NUDT13: variants seen among roughly 807,000 people sequenced by gnomAD.
NUDT13 encodes nudix hydrolase 13, also known as NAD(P)H pyrophosphatase NUDT13, mitochondrial.
A neutral mutation model predicts 41.7 loss-of-function variants in NUDT13; 40 were observed. The observed-to-expected ratio is 0.96, with a 90% CI of 0.75 to 1.25. The LOEUF is 1.25. NUDT13 is among the 50% of genes most tolerant of loss of function. The pLI is 0.00. For missense variants in NUDT13, 390 were observed against 416.1 expected (o/e 0.94, Z 0.55); for synonymous variants, 145 against 155.5 (o/e 0.93, Z 0.50).
Position 73,130,885 on chromosome 10 carries a change from T to C in NUDT13, c.1041T>C (p.Cys347=). ...AGGAGTGGGTGGAAAAACAGACCTG[T>C]TCTTCCCTGCCTGCTTAGCCCGGAT... is the stretch of plus-strand genomic sequence containing the variant. ...LIKEWVEKQT[C]SSLPA is the part of the protein sequence containing the mutation. The change falls in exon 9 of 9, where the codon TGT becomes TGC. Residue 347 remains cysteine, a synonymous_variant. Transcript: ENST00000357321. 1 of 1,613,630 alleles carries C rather than the reference T, an allele frequency of 6.2e-7. No homozygotes were observed. The highest frequency in any genetic ancestry group is 8.5e-7 in the Non-Finnish European group (1 of 1,179,780).
chr10:73,129,915 G>GT (rs1842876155), intron 8 of NUDT13, among the ~76,000 whole-genome samples: 1 of 151,128 alleles, frequency 6.6e-6, no homozygotes, highest in Non-Finnish European at 1.5e-5. Flanking sequence ...GGGAGGGGAG[G>GT]TTGCAGTGAG....
chr10:73,126,295 G>A (rs538133135), intron 7 of NUDT13: 2 of 175,748 alleles, frequency 1.1e-5, no homozygotes, highest in South Asian at 1.5e-4. Context: ...TGCATAGATT[G>A]AAGATATTAG....
chr10:73,127,350 G>C (rs1842813614), intron 8 of NUDT13, among the ~76,000 whole-genome samples: 2 of 151,910 alleles, frequency 1.3e-5, no homozygotes, highest in Non-Finnish European at 2.9e-5. Flanking sequence ...CTGCACTCCA[G>C]CCTGGGCAAC....
chr10:73,124,156 G>A (rs1385448157), intron 4 of NUDT13, 58 bp from the exon 5 acceptor site: 38 of 1,160,724 alleles, frequency 3.3e-5, no homozygotes, highest in Admixed American at 5.1e-5. Context: ...AGACTGGAGA[G>A]AGGCCCTGAG....
At chr10:73,114,336 C>CT in intron 1 of NUDT13, 21 bp from the exon 2 acceptor site, 1 of 1,181,830 alleles carries the variant, frequency 8.5e-7, no homozygotes, top group Non-Finnish European at 1.2e-6. Context: ...TTTTTTAAAA[C>CT]TCCTTTTTTT....
At chr10:73,124,093 A>G (rs542538800) in intron 4 of NUDT13, 121 bp from the exon 5 acceptor site, 6 of 668,216 alleles carry the variant, frequency 9.0e-6, no homozygotes, top group Admixed American at 7.0e-5. Context: ...CACGCCCCCC[A>G]CACCTAGCTG....
At chr10:73,112,712 A>T (rs1008346407) in intron 1 of NUDT13, among the ~76,000 whole-genome samples, 1 of 152,080 alleles carries the variant, frequency 6.6e-6, no homozygotes, top group African/African-American at 2.4e-5. Context: ...TATAGTTACC[A>T]TACAACACAA....
intron 8 of NUDT13, 35 bp downstream of exon 8, chr10:73,126,862 C>A (rs1589668268): frequency 6.3e-7 from 1 of 1,592,498 alleles, no homozygotes; most frequent in East Asian, 2.2e-5. Flanking sequence ...TGTGATATTT[C>A]TTTTGCTTCA....
At chr10:73,130,552 G>A in intron 8 of NUDT13, 151 bp from the exon 9 acceptor site, 2 of 592,248 alleles carry the variant, frequency 3.4e-6, no homozygotes, top group Non-Finnish European at 3.0e-6. Flanking sequence ...CTTCTGGGCA[G>A]TATCTAGAAC....
intron 4 of NUDT13, among the ~76,000 whole-genome samples, chr10:73,122,900 CTTTTTTT>C (rs60953028): frequency 8.1e-6 from 1 of 123,030 alleles, no homozygotes. Context: ...TTGTATATTT[CTTTTTTT>C]TTTTTTTTTT....
At chr10:73,125,817 T>C (rs1029035532) in intron 7 of NUDT13, among the ~76,000 whole-genome samples, 12 of 151,716 alleles carry the variant, frequency 7.9e-5, no homozygotes, top group African/African-American at 2.9e-4. Context: ...CCTGAATAGC[T>C]AGGACTACAG....
rs768896483 is a variant in NUDT13, at chr10:73,125,872, G to T, written c.703+363G>T. On this transcript the variant is annotated intron_variant, in intron 7 of 8. Coordinates refer to ENST00000357321, the MANE Select transcript of NUDT13 (RefSeq NM_015901.6). Reference sequence around the variant, plus strand: ...GCTAATTTTTAAAATTTTTTGTAGAGACAGGGTCTCGCCGTGTTGCCTAGG... The same window carrying T: ...GCTAATTTTTAAAATTTTTTGTAGATACAGGGTCTCGCCGTGTTGCCTAGG... 7.2e-5 allele frequency among the ~76,000 whole-genome samples: 11 copies of T among 151,910 alleles called. No homozygotes were observed. In the South Asian group the frequency reaches 2.3e-3, roughly 32 times the overall value.
intron 2 of NUDT13, among the ~76,000 whole-genome samples, chr10:73,117,532 G>A (rs1589655449): frequency 1.4e-5 from 2 of 147,150 alleles, no homozygotes; most frequent in South Asian, 4.3e-4. Context: ...ACTCCAGCCT[G>A]GAAAACAAGA....
Sources: gnomAD v4.1 joint callset for allele counts (sites outside exome capture counted in the v4.1 genomes callset) on GRCh38, gnomAD v4.1.1 for gene constraint, MANE v1.5 for transcripts, NCBI Gene and HGNC (gene_info 2026-07-23, HGNC 2026-07-21) for gene names.